Variants in DTL observed in about 807,000 individuals in gnomAD.
DTL encodes denticleless E3 ubiquitin protein ligase adapter, also known as denticleless protein homolog.
Under a neutral mutation model 87.0 loss-of-function variants are expected in DTL, and 46 were observed. The observed-to-expected ratio is 0.53, with a 90% CI of 0.42 to 0.68. The LOEUF (loss-of-function observed/expected upper bound fraction) is 0.68, where lower values mean the gene tolerates loss of function less well. DTL is among the 30% of genes least tolerant of loss of function. The probability of loss-of-function intolerance (pLI) is 0.00; values close to 1 mark genes in which losing one functional copy is unlikely to be tolerated. For synonymous variants in DTL, 308 were observed against 311.2 expected, an observed-to-expected ratio of 0.99 and a Z score of 0.11; for missense variants, 737 against 869.4, an observed-to-expected ratio of 0.85 and a Z score of 1.91.
At chr1:212,063,349 C>T (rs1233093391) in intron 6 of DTL, among the ~76,000 whole-genome samples, 1 of 149,338 alleles carries the variant, frequency 6.7e-6, no homozygotes, top group African/African-American at 2.5e-5. Flanking sequence ...AGTGCAGTGG[C>T]GTGAACTTGG....
chr1:212,051,442 CTTTTTTTTTT>C (rs958429363), intron 5 of DTL: 11 of 197,200 alleles, frequency 5.6e-5, no homozygotes, highest in African/African-American at 3.3e-4. Context: ...ATATGAAATT[CTTTTTTTTTT>C]TTTTTTTTTT....
At chr1:212,075,812 ACTAT>A (rs1413354162) in intron 11 of DTL, among the ~76,000 whole-genome samples, 2 of 152,286 alleles carry the variant, frequency 1.3e-5, no homozygotes, top group East Asian at 3.9e-4. Context: ...CAACATCACC[ACTAT>A]CTAATTCCCA....
intron 12 of DTL, chr1:212,080,341 G>A (rs1440817499): frequency 4.0e-6 from 1 of 248,038 alleles, no homozygotes; most frequent in East Asian, 7.8e-5. Flanking sequence ...TAAAGAGCCA[G>A]AACTTTAGAT....
At chr1:212,038,295 A>G (rs1667545660) in intron 1 of DTL, among the ~76,000 whole-genome samples, 1 of 152,214 alleles carries the variant, frequency 6.6e-6, no homozygotes, top group Non-Finnish European at 1.5e-5. Context: ...ATGTTATTGG[A>G]AGACTTCCTG....
intron 10 of DTL, among the ~76,000 whole-genome samples, chr1:212,070,610 C>CAAAAA (rs574962254): frequency 3.6e-5 from 5 of 137,288 alleles, no homozygotes; most frequent in Non-Finnish European, 6.4e-5. Context: ...GACCCTGTCT[C>CAAAAA]AAAAAAAAAA....
At chr1:212,069,869 C>A (rs2102555564) in intron 10 of DTL, among the ~76,000 whole-genome samples, 1 of 152,190 alleles carries the variant, frequency 6.6e-6, no homozygotes, top group South Asian at 2.1e-4. Flanking sequence ...TAGCTGAGAT[C>A]TTACAGAATT....
At chr1:212,078,737 G>T (rs561104962) in intron 12 of DTL, among the ~76,000 whole-genome samples, 1 of 152,182 alleles carries the variant, frequency 6.6e-6, no homozygotes, top group East Asian at 1.9e-4. Flanking sequence ...ATGTAAGTAG[G>T]TCTGAAATGT....
intron 14 of DTL, 47 bp downstream of exon 14, chr1:212,101,131 C>A: frequency 1.5e-6 from 2 of 1,336,660 alleles, no homozygotes; most frequent in Admixed American, 2.6e-5. Context: ...TTAAAAGGGG[C>A]CAGACACCCA....
chr1:212,035,756 G>T lies in DTL; in HGVS notation c.-135G>T. The T allele has an allele frequency of 1.1e-6, 1 of 878,002 alleles. No individual in the cohort carries two copies. 54.4% of individuals were successfully genotyped at this position (878,002 alleles called of 1,614,324 possible). A position where few individuals can be genotyped will look rare whatever the true frequency, so the allele number is the denominator to read the frequency against. ...TGACGTCAGTTTGGCGCGGAGTTTG[G>T]CGGCCGGGGCTTACAGTGGCGGGAG... On this transcript the variant is annotated 5_prime_UTR_variant, in exon 1 of 15. Coordinates refer to ENST00000366991, the MANE Select transcript of DTL (RefSeq NM_016448.4).
chr1:212,071,436 G>A lies in DTL; in HGVS notation c.923-665G>A, dbSNP rs924661593. Among the ~76,000 whole-genome samples, 10 of 152,228 alleles carry A rather than the reference G, an allele frequency of 6.6e-5. No individual in the cohort carries two copies. In the East Asian group the frequency reaches 1.9e-3, roughly 29 times the overall value. On this transcript the variant is annotated intron_variant, in intron 10 of 14. Coordinates refer to ENST00000366991, the MANE Select transcript of DTL (RefSeq NM_016448.4). ...GCCCTTTTGCCATTGAGAGTGAGAA[G>A]GCTAAACCTAATCTAGTGCCTTACA...
intron 5 of DTL, among the ~76,000 whole-genome samples, chr1:212,054,109 T>C (rs1370925146): frequency 1.3e-5 from 2 of 152,270 alleles, no homozygotes; most frequent in East Asian, 1.9e-4. Context: ...GTGGATCTTA[T>C]CTCAATTATT....
chr1:212,089,425 A>G (rs1224398184), intron 13 of DTL, among the ~76,000 whole-genome samples: 1 of 152,174 alleles, frequency 6.6e-6, no homozygotes, highest in Non-Finnish European at 1.5e-5. Context: ...ATCCATTTGT[A>G]TTTTGGGGTT....
intron 5 of DTL, among the ~76,000 whole-genome samples, chr1:212,062,387 G>T (rs1290491727): frequency 6.6e-6 from 1 of 150,954 alleles, no homozygotes; most frequent in African/African-American, 2.4e-5. Flanking sequence ...ATATGGATCT[G>T]GTCCATATTT....
intron 1 of DTL, among the ~76,000 whole-genome samples, chr1:212,041,587 G>C (rs918472003): frequency 6.6e-6 from 1 of 151,944 alleles, no homozygotes; most frequent in Admixed American, 6.6e-5. Flanking sequence ...CTCGCGGCAC[G>C]CTCCGCCTCC....
chr1:212,044,720 A>G lies in DTL; in HGVS notation c.239A>G (p.Asn80Ser). The G allele has an allele frequency of 1.2e-6, 2 of 1,613,424 alleles. No homozygotes were observed. Among genetic ancestry groups the G allele is most frequent in the Non-Finnish European group, 1.7e-6 (2 of 1,179,554 alleles). The change falls in exon 3 of 15, where the codon AAC becomes AGC. Residue 80 changes from asparagine to serine, a missense_variant. Coordinates refer to ENST00000366991, the MANE Select transcript of DTL (RefSeq NM_016448.4). ...ANEEGFVRLY[N>S]TESQSFRKKC... is the part of the protein sequence containing the mutation. ...GAAGAAGGCTTTGTTCGATTGTATA[A>G]CACAGAATCACAAAGTTTCAGAAAG...
intron 13 of DTL, among the ~76,000 whole-genome samples, chr1:212,095,231 G>C (rs1382349364): frequency 6.6e-6 from 1 of 152,166 alleles, no homozygotes; most frequent in Non-Finnish European, 1.5e-5. Flanking sequence ...CTGTGGGTTT[G>C]TCATGGATGG....
intron 3 of DTL, among the ~76,000 whole-genome samples, chr1:212,045,645 A>G (rs1316534399): frequency 6.6e-6 from 1 of 152,236 alleles, no homozygotes; most frequent in African/African-American, 2.4e-5. Context: ...AGGAAAACTT[A>G]CGAAGCATGG....
At chr1:212,070,555 G>A (rs1654639571) in intron 10 of DTL, among the ~76,000 whole-genome samples, 1 of 151,750 alleles carries the variant, frequency 6.6e-6, no homozygotes. Context: ...AGTCTTCAGT[G>A]AGCCATGATC....
chr1:212,075,882 C>G (rs564388634), intron 11 of DTL, among the ~76,000 whole-genome samples: 1 of 152,302 alleles, frequency 6.6e-6, no homozygotes, highest in East Asian at 1.9e-4. Context: ...CTCTAATCCC[C>G]TCTTCCTCCC....
Sources: allele counts gnomAD v4.1 joint callset (sites outside exome capture counted in the v4.1 genomes callset), GRCh38; gene constraint gnomAD v4.1.1; transcripts MANE v1.5; gene names NCBI Gene and HGNC (gene_info 2026-07-23, HGNC 2026-07-21).